Variants in TRPV1 observed in about 807,000 individuals in gnomAD.
TRPV1 encodes transient receptor potential cation channel subfamily V member 1, also known as OTRPC1.
Under a neutral mutation model 82.3 loss-of-function variants are expected in TRPV1, and 82 were observed. The ratio of observed to expected loss-of-function variants is 1.00; its 90% CI spans 0.83 to 1.20. TRPV1 has a LOEUF of 1.20. Among genes scored for constraint, TRPV1 ranks in the 50% most tolerant of loss-of-function variants. The pLI, the probability that TRPV1 is intolerant of heterozygous loss-of-function variation, is 0.00. For missense variants in TRPV1, 1,067 were observed against 1,096.8 expected (o/e 0.97, Z 0.38); for synonymous variants, 515 against 467.7 (o/e 1.10, Z -1.30).
At chr17:3,587,759 G>A (rs1041824153) in intron 8 of TRPV1, among the ~76,000 whole-genome samples, 3 of 151,530 alleles carry the variant, frequency 2.0e-5, no homozygotes, top group East Asian at 1.9e-4. Flanking sequence ...GTTGCAGTGA[G>A]CCGGGATGGC....
rs1456995915 is a variant in TRPV1, at chr17:3,567,001, C to G, written c.2348-14G>C. 1 of 1,612,548 alleles carries G rather than the reference C, an allele frequency of 6.2e-7. No homozygotes were observed. The highest frequency in any genetic ancestry group is 1.3e-5 in the African/African-American group (1 of 74,946). ...GTCTGCCTGAAACTGAAGGGTAACA[C>G]TATTACTACCTTGGATGCAACAAAA... On this transcript the variant is annotated splice_polypyrimidine_tract_variant and intron_variant, in intron 16 of 16. Coordinates refer to ENST00000572705, the MANE Select transcript of TRPV1 (RefSeq NM_080704.4).
chr17:3,582,729 A>G (rs1370155251), intron 10 of TRPV1, among the ~76,000 whole-genome samples: 14 of 151,972 alleles, frequency 9.2e-5, no homozygotes, highest in African/African-American at 2.7e-4. Flanking sequence ...AGGCTGAGGC[A>G]GGTGGATCAC....
intron 14 of TRPV1, among the ~76,000 whole-genome samples, chr17:3,573,227 G>C (rs901426504): frequency 6.6e-6 from 1 of 152,126 alleles, no homozygotes; most frequent in Admixed American, 6.6e-5. Context: ...TCTGGCCTCT[G>C]GTGCCCACCT....
At chr17:3,568,166 CA>C (rs1172071561) in intron 16 of TRPV1, among the ~76,000 whole-genome samples, 5 of 151,760 alleles carry the variant, frequency 3.3e-5, no homozygotes, top group Non-Finnish European at 5.9e-5. Flanking sequence ...ACTAAAAATA[CA>C]AAAAATTAGC....
chr17:3,606,964 C>G (rs1237169297), intron 2 of TRPV1, among the ~76,000 whole-genome samples: 1 of 152,176 alleles, frequency 6.6e-6, no homozygotes, highest in African/African-American at 2.4e-5. Flanking sequence ...AGACAAAGGA[C>G]GCTGGTAAAC....
intron 2 of TRPV1, among the ~76,000 whole-genome samples, chr17:3,598,312 T>A (rs957391949): frequency 6.6e-6 from 1 of 152,138 alleles, no homozygotes; most frequent in Non-Finnish European, 1.5e-5. Flanking sequence ...GGCATTGAAG[T>A]GTGGCCACCC....
chr17:3,571,978 G>C lies in TRPV1; in HGVS notation c.2231+144C>G, dbSNP rs1037443078. ...TGTGCACGCCCACAGCTGAGCTCAG[G>C]ACGGCCCCAATCCCTACAGCTGGCA... On this transcript the variant is annotated intron_variant, in intron 15 of 16. Transcript: ENST00000572705. 12 of 1,091,902 alleles carry C rather than the reference G, an allele frequency of 1.1e-5. No individual in the cohort carries two copies. In the African/African-American group the frequency reaches 1.7e-4, roughly 15 times the overall value. 67.6% of individuals were successfully genotyped at this position (1,091,902 alleles called of 1,614,324 possible). A position where few individuals can be genotyped will look rare whatever the true frequency, so the allele number is the denominator to read the frequency against.
intron 2 of TRPV1, among the ~76,000 whole-genome samples, chr17:3,604,628 AG>A (rs2075285750): frequency 6.6e-6 from 1 of 151,850 alleles, no homozygotes; most frequent in Non-Finnish European, 1.5e-5. Flanking sequence ...AAAAAGAAAA[AG>A]AAAAAAAGAA....
rs773476720 is a variant in TRPV1, at chr17:3,588,303, A to C, written c.1109T>G (p.Phe370Cys). The change falls in exon 8 of 17, where the codon TTC (phenylalanine) becomes TGC (cysteine). Residue 370 changes from phenylalanine (F) to cysteine (C), a missense_variant. Phe to Cys is a radical substitution (Grantham distance 205). Transcript: ENST00000572705. ...CACGGGCCCGTAGGCCCACTCGGTG[A>C]ACTTCCTGGACAGGTGCCTGCACTC... ...EPECRHLSRK[F>C]TEWAYGPVHS... 1 of 1,573,212 alleles carries C rather than the reference A, an allele frequency of 6.4e-7. No homozygotes were observed. Among genetic ancestry groups the C allele is most frequent in the Non-Finnish European group, 8.6e-7 (1 of 1,159,824 alleles).
rs1333903725 is a variant in TRPV1, at chr17:3,588,199, T to C, written c.1213A>G (p.Ser405Gly). ...SVLEVIAYSS[S>G]ETPNRHDMLL... ...CCCCAGCCACTCACAGGGGTCTCGC[T>C]GCTGCTGTAGGCGATCACCTCCAGC... The change falls in exon 8 of 17, where the codon AGC (serine) becomes GGC (glycine). Residue 405 changes from serine (S) to glycine (G), a missense_variant. Coordinates refer to ENST00000572705, the MANE Select transcript of TRPV1 (RefSeq NM_080704.4). 1.9e-6 allele frequency: 3 copies of C among 1,563,060 alleles called. No individual in the cohort carries two copies. The South Asian group carries it at 3.5e-5, about 18-fold the overall frequency.
At chr17:3,576,276 G>A (rs1156258709) in intron 13 of TRPV1, among the ~76,000 whole-genome samples, 2 of 151,930 alleles carry the variant, frequency 1.3e-5, no homozygotes, top group Non-Finnish European at 2.9e-5. Context: ...CCAGCACTTT[G>A]GGAGGCCAAG....
At chr17:3,583,722 T>C (rs1478755509) in intron 9 of TRPV1, among the ~76,000 whole-genome samples, 1 of 152,168 alleles carries the variant, frequency 6.6e-6, no homozygotes, top group Non-Finnish European at 1.5e-5. Flanking sequence ...AGCAGAGTGA[T>C]GGACAGCAGG....
intron 16 of TRPV1, among the ~76,000 whole-genome samples, chr17:3,568,093 C>A (rs1045317461): frequency 2.6e-5 from 4 of 152,084 alleles, no homozygotes; most frequent in Admixed American, 1.3e-4. Context: ...GAGGCCGAGG[C>A]GGGCGGATCA....
Position 3,588,263 on chromosome 17 carries a change from G to A in TRPV1, c.1149C>T (p.Tyr383=), listed in dbSNP as rs764956512. 4.3e-5 allele frequency: 68 copies of A among 1,582,610 alleles called. No homozygotes were observed. Among genetic ancestry groups the A allele is most frequent in the Non-Finnish European group, 5.2e-5 (61 of 1,165,010 alleles). ...WAYGPVHSSL[Y]DLSCIDTCEK... ...CGCAGGTGTCGATGCAGGACAGGTC[G>A]TACAGCGAGGAGTGCACGGGCCCGT... is the stretch of plus-strand genomic sequence containing the variant. Residue 383 remains tyrosine (Y), a synonymous_variant, in exon 8 of 17, where the codon TAC becomes TAT. Transcript: ENST00000572705.
rs1036319807 is a variant in TRPV1 at position 3,565,532 on chromosome 17, C to T, written c.*1283G>A. 3 of 152,180 alleles carry T rather than the reference C, an allele frequency of 2.0e-5. No homozygotes were observed. The highest frequency in any genetic ancestry group is 7.2e-5 in the African/African-American group (3 of 41,428). The allele number at this position is 152,180 out of a possible 1,614,324, so 9.4% of individuals were successfully genotyped here. ...ATTGCGGAGAAGCAGGACTGGGGTT[C>T]CTAGAAATGGAAGATCTTTCAAACA... On this transcript the variant is annotated 3_prime_UTR_variant, in exon 17 of 17. Coordinates refer to ENST00000572705, the MANE Select transcript of TRPV1 (RefSeq NM_080704.4).
At chr17:3,576,349 C>G (rs1026563323) in intron 13 of TRPV1, among the ~76,000 whole-genome samples, 3 of 151,804 alleles carry the variant, frequency 2.0e-5, no homozygotes, top group African/African-American at 7.3e-5. Flanking sequence ...AAAACCCCAT[C>G]TCTATTAAAA....
At position 3,570,295 on chromosome 17, in the gene TRPV1, G is replaced by T. The variant is rs1426821799; in HGVS notation, c.2347+1229C>A. Among the ~76,000 whole-genome samples, 3 of 151,816 alleles carry T rather than the reference G, an allele frequency of 2.0e-5. No individual in the cohort carries two copies. The East Asian group carries it at 5.8e-4, about 29-fold the overall frequency. On this transcript the variant is annotated intron_variant, in intron 16 of 16. Transcript: ENST00000572705. ...TGAGGCAGGAGAATCGCTTGAACCC[G>T]GGAGGCGGAGGGTGCAGTAAACCCA... is the stretch of plus-strand genomic sequence containing the variant.
intron 2 of TRPV1, among the ~76,000 whole-genome samples, chr17:3,606,054 G>T (rs1430193347): frequency 6.6e-6 from 1 of 152,118 alleles, no homozygotes; most frequent in Non-Finnish European, 1.5e-5. Context: ...CGCCTTCCAG[G>T]CTCAAGCGAT....
At chr17:3,579,439 T>C (rs1046353576) in intron 11 of TRPV1, among the ~76,000 whole-genome samples, 9 of 151,374 alleles carry the variant, frequency 5.9e-5, no homozygotes, top group Admixed American at 2.0e-4. Context: ...TCTGGCTTAC[T>C]TTCTGAAGGA....
Sources: gnomAD v4.1 joint callset for allele counts (sites outside exome capture counted in the v4.1 genomes callset) on GRCh38, gnomAD v4.1.1 for gene constraint, MANE v1.5 for transcripts, NCBI Gene and HGNC (gene_info 2026-07-23, HGNC 2026-07-21) for gene names.